The following WDR7 variants were observed in gnomAD, a reference collection of about 807,000 sequenced individuals.
WDR7 encodes the protein WD repeat domain 7.
In WDR7, 46 loss-of-function variants were observed where a neutral mutation model predicts 169.4. The observed-to-expected ratio is 0.27, with a 90% CI of 0.21 to 0.35. The LOEUF is 0.35. WDR7 is among the 10% of genes least tolerant of loss of function. The pLI is 1.00. For missense variants in WDR7, 1,534 were observed against 1,859.3 expected (o/e 0.83, Z 3.22); for synonymous variants, 612 against 666.8 (o/e 0.92, Z 1.27).
rs568059250 is a variant in WDR7 at position 56,940,348 on chromosome 18, T to C, written c.4064+955T>C. Among the ~76,000 whole-genome samples, 14 of 152,364 alleles carry C rather than the reference T, an allele frequency of 9.2e-5. 1 individual carries two copies. In the East Asian group the frequency reaches 1.7e-3, roughly 19 times the overall value. On this transcript the variant is annotated intron_variant, in intron 25 of 27. Transcript: ENST00000254442. ...AGCACGTGATTGTACTCTATGAGCC[T>C]TCGCATATCTTTTTCTGTATTTACA...
chr18:56,961,243 A>G lies in WDR7; in HGVS notation c.4065-1187A>G, dbSNP rs73958719. Among the ~76,000 whole-genome samples the G allele has an allele frequency of 6.5e-4, 98 of 151,870 alleles. 1 individual carries two copies. Among genetic ancestry groups the G allele is most frequent in the African/African-American group, 2.2e-3 (91 of 41,546 alleles). On this transcript the variant is annotated intron_variant, in intron 25 of 27. Transcript: ENST00000254442. ...AAATATCTTGTCTCTCTCAGCCTCT[A>G]TTACTAGAATATCAGAAATGCTGTC...
At chr18:56,989,501 C>T (rs893505050) in intron 26 of WDR7, among the ~76,000 whole-genome samples, 1 of 152,122 alleles carries the variant, frequency 6.6e-6, no homozygotes, top group African/African-American at 2.4e-5. Flanking sequence ...ACAACTTCTA[C>T]TCTAATTTGT....
rs560547030 is a variant in WDR7 at position 56,960,188 on chromosome 18, G to A, written c.4065-2242G>A. On this transcript the variant is annotated intron_variant, in intron 25 of 27. Transcript: ENST00000254442. ...ATATGGTCCTTTCAGGAAAAGTAAC[G>A]ATTTGATTCCAGGAATAGATTTGAT... is the stretch of plus-strand genomic sequence containing the variant. 2.1e-3 allele frequency among the ~76,000 whole-genome samples: 325 copies of A among 152,224 alleles called. 2 individuals are homozygous for A. The highest frequency in any genetic ancestry group is 3.6e-3 in the Non-Finnish European group (247 of 68,006).
rs2044967540 is a variant in WDR7 at position 56,816,201 on chromosome 18, T to G, written c.3304+57T>G. ...AGCTTTGTTTGATATTGCAAAATGTTTTCTAGGTTATTTGTGGTGGGATTA... is the reference window on the plus strand; with the variant it reads ...AGCTTTGTTTGATATTGCAAAATGTGTTCTAGGTTATTTGTGGTGGGATTA... On this transcript the variant is annotated intron_variant, in intron 20 of 27. Coordinates refer to ENST00000254442, the MANE Select transcript of WDR7 (RefSeq NM_015285.3). The G allele has an allele frequency of 6.2e-6, 9 of 1,460,624 alleles. No individual in the cohort carries two copies. In the East Asian group the frequency reaches 2.1e-4, roughly 34 times the overall value. The allele number at this position is 1,460,624 out of a possible 1,614,324, so 90.5% of individuals were successfully genotyped here.
At chr18:56,998,988 G>A (rs554446408) in intron 26 of WDR7, among the ~76,000 whole-genome samples, 1 of 152,276 alleles carries the variant, frequency 6.6e-6, no homozygotes, top group East Asian at 1.9e-4. Context: ...CCAACTACTA[G>A]TATGAATAAT....
chr18:56,950,352 T>G (rs187661412), intron 25 of WDR7, among the ~76,000 whole-genome samples: 1 of 152,336 alleles, frequency 6.6e-6, no homozygotes, highest in Non-Finnish European at 1.5e-5. Context: ...CTAGTACGTG[T>G]CAGTGCCCCT....
intron 19 of WDR7, among the ~76,000 whole-genome samples, chr18:56,800,289 A>G (rs2044650575): frequency 1.3e-5 from 2 of 152,294 alleles, no homozygotes; most frequent in Non-Finnish European, 1.5e-5. Flanking sequence ...ACTGTAATGT[A>G]GTGGAATCAT....
intron 26 of WDR7, among the ~76,000 whole-genome samples, chr18:56,966,873 GGACA>G (rs2047416539): frequency 6.6e-6 from 1 of 152,082 alleles, no homozygotes; most frequent in South Asian, 2.1e-4. Flanking sequence ...GATTCAAGAA[GGACA>G]GAGAGGGAAG....
At chr18:56,880,474 A>T (rs1311740980) in intron 21 of WDR7, among the ~76,000 whole-genome samples, 1 of 152,240 alleles carries the variant, frequency 6.6e-6, no homozygotes, top group African/African-American at 2.4e-5. Context: ...AGCTTTTAAA[A>T]TAATTTCTGG....
chr18:56,908,920 CA>C (rs760507899), intron 21 of WDR7, among the ~76,000 whole-genome samples: 103 of 152,060 alleles, frequency 6.8e-4, no homozygotes, highest in Non-Finnish European at 1.4e-3. Context: ...AAAAAATAGT[CA>C]ATTTTCAAGT....
chr18:56,699,149 T>A (rs1461142899), intron 12 of WDR7, among the ~76,000 whole-genome samples: 1 of 152,190 alleles, frequency 6.6e-6, no homozygotes, highest in African/African-American at 2.4e-5. Flanking sequence ...ATTTAGCAAA[T>A]AAATAATGAC....
At chr18:56,885,402 G>A (rs186898684) in intron 21 of WDR7, among the ~76,000 whole-genome samples, 253 of 151,876 alleles carry the variant, frequency 1.7e-3, no homozygotes, top group African/African-American at 5.7e-3. Flanking sequence ...AAGATATGAA[G>A]GGAAAAATCT....
intron 19 of WDR7, among the ~76,000 whole-genome samples, chr18:56,813,754 T>C (rs1232488287): frequency 6.6e-6 from 1 of 152,134 alleles, no homozygotes; most frequent in Non-Finnish European, 1.5e-5. Context: ...TTTTTTTTTC[T>C]GGTGAGGATT....
At chr18:56,788,520 A>G (rs1443492687) in intron 19 of WDR7, among the ~76,000 whole-genome samples, 1 of 152,190 alleles carries the variant, frequency 6.6e-6, no homozygotes, top group African/African-American at 2.4e-5. Flanking sequence ...GCTAAGAATA[A>G]GAGCTCTCTG....
chr18:56,660,481 A>C lies in WDR7; in HGVS notation c.-20+8905A>C, dbSNP rs956138211. Among the ~76,000 whole-genome samples, 223 of 152,234 alleles carry C rather than the reference A, an allele frequency of 1.5e-3. 1 individual carries two copies. The highest frequency in any genetic ancestry group is 5.1e-3 in the African/African-American group (213 of 41,538). On this transcript the variant is annotated intron_variant, in intron 1 of 27. Transcript: ENST00000254442. ...CTGTAAGTATAATACAAATATCCCCAAATTTGAAAAAAATCCAAAATCTAA... is the reference window on the plus strand; with the variant it reads ...CTGTAAGTATAATACAAATATCCCCCAATTTGAAAAAAATCCAAAATCTAA...
chr18:56,822,652 C>T (rs1422680787), intron 20 of WDR7, among the ~76,000 whole-genome samples: 1 of 152,180 alleles, frequency 6.6e-6, no homozygotes, highest in Non-Finnish European at 1.5e-5. Context: ...TGATATTTAA[C>T]AGCCTAAAAA....
intron 2 of WDR7, among the ~76,000 whole-genome samples, chr18:56,674,325 GA>G (rs2025198650): frequency 6.6e-6 from 1 of 152,052 alleles, no homozygotes; most frequent in Admixed American, 6.6e-5. Flanking sequence ...ATTCTAGCCC[GA>G]ATTTTGTGTG....
intron 26 of WDR7, among the ~76,000 whole-genome samples, chr18:57,004,776 T>C (rs1175057911): frequency 6.6e-6 from 1 of 152,206 alleles, no homozygotes; most frequent in East Asian, 1.9e-4. Flanking sequence ...AGTTTCACTC[T>C]TTTTTAACTT....
At chr18:56,768,529 T>C (rs1480195128) in intron 16 of WDR7, among the ~76,000 whole-genome samples, 1 of 152,210 alleles carries the variant, frequency 6.6e-6, no homozygotes, top group East Asian at 1.9e-4. Flanking sequence ...ACATGTACTC[T>C]CTTGAGTAGT....
Sources: gnomAD v4.1 joint callset for allele counts (sites outside exome capture counted in the v4.1 genomes callset) on GRCh38, gnomAD v4.1.1 for gene constraint, MANE v1.5 for transcripts, NCBI Gene and HGNC (gene_info 2026-07-23, HGNC 2026-07-21) for gene names.